DNMT1: variants seen among roughly 807,000 people sequenced by gnomAD.
DNMT1 encodes the protein DNA methyltransferase 1, also known as DNA (cytosine-5)-methyltransferase 1.
DNMT1 carries 24 observed loss-of-function variants against 205.3 expected under a neutral mutation model. The observed-to-expected ratio is 0.12, with a 90% confidence interval of 0.08 to 0.16. The LOEUF is 0.16. Ranked by LOEUF, DNMT1 falls within the 10% of genes least tolerant of loss-of-function variation. DNMT1 has a pLI of 1.00. For missense variants in DNMT1, 1,293 were observed against 2,177.7 expected (o/e 0.59, Z 8.09); for synonymous variants, 817 against 839.8 (o/e 0.97, Z 0.47).
chr19:10,136,644 C>T (rs942629909), intron 37 of DNMT1, among the ~76,000 whole-genome samples: 6 of 152,160 alleles, frequency 3.9e-5, no homozygotes, highest in Non-Finnish European at 8.8e-5. Context: ...CCATGTTGGG[C>T]AGGCTGATCT....
intron 11 of DNMT1, 75 bp downstream of exon 11, chr19:10,166,523 C>A: frequency 6.3e-7 from 1 of 1,575,140 alleles, no homozygotes; most frequent in Non-Finnish European, 8.7e-7. Flanking sequence ...CAGAGCCCCA[C>A]CCTGCGCACT....
intron 6 of DNMT1, among the ~76,000 whole-genome samples, chr19:10,176,545 TTATA>T (rs1487174950): frequency 6.6e-6 from 1 of 152,280 alleles, no homozygotes; most frequent in East Asian, 1.9e-4. Flanking sequence ...CAGAACAGTA[TTATA>T]CTTTGGTTTG....
intron 10 of DNMT1, 116 bp downstream of exon 10, chr19:10,168,214 A>C: frequency 8.3e-7 from 1 of 1,203,828 alleles, no homozygotes; most frequent in Non-Finnish European, 1.2e-6. Context: ...ACTTGCCCAC[A>C]TAAGAGACAT....
In DNMT1 at chr19:10,159,738, C is replaced by T. The variant is rs760315095; in HGVS notation, c.1200G>A (p.Glu400=). The part of the protein sequence containing the change: ...AVDEPQMLTN[E]KLSIFDANES... The stretch of plus-strand genomic sequence containing the variant: ...CGTTGGCATCAAAGATGGACAGCTT[C>T]TCATTTGTCAGCATCTGTGGCTCAT... The change falls in exon 17 of 41, where the codon GAG becomes GAA. Residue 400 remains glutamate (E), a synonymous_variant. Transcript: ENST00000359526. The surrounding 1 kb of genome is among the most constrained non-coding windows in gnomAD (Gnocchi z 5.0). 1 of 1,614,240 alleles carries T rather than the reference C, an allele frequency of 6.2e-7. No individual in the cohort carries two copies. The highest frequency in any genetic ancestry group is 8.5e-7 in the Non-Finnish European group (1 of 1,180,052).
chr19:10,157,206 C>T (rs1248183355), intron 17 of DNMT1, among the ~76,000 whole-genome samples: 2 of 152,158 alleles, frequency 1.3e-5, no homozygotes, highest in Non-Finnish European at 2.9e-5. Context: ...CCCAACCGGC[C>T]CTCAGCCCCC....
intron 39 of DNMT1, among the ~76,000 whole-genome samples, chr19:10,134,600 T>A (rs1441601508): frequency 6.6e-6 from 1 of 152,220 alleles, no homozygotes; most frequent in Non-Finnish European, 1.5e-5. Context: ...ACGCCTGTAA[T>A]CCCAGCACTT....
Position 10,133,503 on chromosome 19 carries a change from A to G in DNMT1, c.*164T>C. ...AAGTACTGCACAATTTGATCACTAA[A>G]TCATTAGTTGATAAGCGAACCTCAC... On this transcript the variant is annotated 3_prime_UTR_variant, in exon 41 of 41. Coordinates refer to ENST00000359526, the MANE Select transcript of DNMT1 (RefSeq NM_001130823.3). This position sits in a 1 kb window ranked among gnomAD's most constrained non-coding sequence, Gnocchi z 4.1. The G allele has an allele frequency of 1.3e-6, 1 of 754,146 alleles. No homozygotes were observed. Among genetic ancestry groups the G allele is most frequent in the South Asian group, 1.7e-5 (1 of 58,924 alleles). 46.7% of individuals were successfully genotyped at this position (754,146 alleles called of 1,614,324 possible). A position where few individuals can be genotyped will look rare whatever the true frequency, so the allele number is the denominator to read the frequency against.
chr19:10,179,062 G>A (rs2038989848), intron 5 of DNMT1, among the ~76,000 whole-genome samples: 1 of 147,022 alleles, frequency 6.8e-6, no homozygotes, highest in Non-Finnish European at 1.5e-5. Flanking sequence ...CTGGGAGGCA[G>A]AGCTTGCAGT....
At chr19:10,169,330 C>G (rs942225676) in intron 9 of DNMT1, among the ~76,000 whole-genome samples, 1 of 140,896 alleles carries the variant, frequency 7.1e-6, no homozygotes, top group Admixed American at 8.0e-5. Context: ...ATCACGAGGT[C>G]AGGAGATCGA....
At chr19:10,182,208 G>C (rs2039060510) in intron 1 of DNMT1, 131 bp from the exon 2 acceptor site, 1 of 912,434 alleles carries the variant, frequency 1.1e-6, no homozygotes, top group South Asian at 1.4e-5. Flanking sequence ...AAAAAACTAA[G>C]CTGGCTTTTG....
chr19:10,170,640 C>T (rs764033803), intron 9 of DNMT1, among the ~76,000 whole-genome samples: 18 of 152,048 alleles, frequency 1.2e-4, no homozygotes, highest in Non-Finnish European at 1.9e-4. Flanking sequence ...AACAAAACTC[C>T]GTCTCAAAAA....
chr19:10,148,803 A>G, intron 27 of DNMT1, 81 bp downstream of exon 27: 1 of 1,610,858 alleles, frequency 6.2e-7, no homozygotes, highest in South Asian at 1.1e-5. Context: ...GGCGGAAGCC[A>G]ACCAGACGGA....
rs545839186 is a variant in DNMT1, at chr19:10,144,477, C to T, written c.2895-490G>A. The stretch of plus-strand genomic sequence containing the variant: ...GTTTGAAGCACGCATTCACCCTCTG[C>T]GCATTACTGGCTACGGTGGTGGCTG... On this transcript the variant is annotated intron_variant, in intron 28 of 40. Transcript: ENST00000359526. The T allele has an allele frequency of 1.3e-3, 284 of 224,038 alleles. 1 individual carries two copies. The highest frequency in any genetic ancestry group is 2.2e-3 in the Non-Finnish European group (249 of 110,986). 13.9% of individuals were successfully genotyped at this position (224,038 alleles called of 1,614,324 possible).
At chr19:10,136,082 G>A (rs1000420427) in intron 38 of DNMT1, 39 bp downstream of exon 38, 2 of 1,613,218 alleles carry the variant, frequency 1.2e-6, no homozygotes, top group African/African-American at 2.7e-5. Flanking sequence ...CCAAGTACAG[G>A]GCCTGACCCA....
intron 12 of DNMT1, 166 bp from the exon 13 acceptor site, chr19:10,162,914 A>C (rs2038605268): frequency 4.3e-6 from 3 of 698,830 alleles, no homozygotes; most frequent in Non-Finnish European, 7.4e-6. Flanking sequence ...AGGCCTTCAG[A>C]GGCCCCAGGG....
At position 10,143,783 on chromosome 19, in the gene DNMT1, C is replaced by T. The variant is rs1257621088; in HGVS notation, c.3099G>A (p.Arg1033=). 1 of 1,613,952 alleles carries T rather than the reference C, an allele frequency of 6.2e-7. No individual in the cohort carries two copies. The highest frequency in any genetic ancestry group is 8.5e-7 in the Non-Finnish European group (1 of 1,180,026). ...GRPNETDIKI[R]VNKFYRPENT... is the part of the protein sequence containing the mutation. ...CTGCTGACCTGTAGAACTTGTTGACCCGGATTTTGATGTCAGTCTCATTGG... is the reference window on the plus strand; with the variant it reads ...CTGCTGACCTGTAGAACTTGTTGACTCGGATTTTGATGTCAGTCTCATTGG... The change falls in exon 29 of 41, where the codon CGG becomes CGA. Residue 1033 remains arginine (R), a synonymous_variant. Coordinates refer to ENST00000359526, the MANE Select transcript of DNMT1 (RefSeq NM_001130823.3).
rs535161745 is a variant in DNMT1 at position 10,164,913 on chromosome 19, TAAAAAAAAAAAAAAAAAAAAAAA to T, written c.892-1576_892-1554del. On this transcript the variant is annotated intron_variant, in intron 11 of 40. Coordinates refer to ENST00000359526, the MANE Select transcript of DNMT1 (RefSeq NM_001130823.3). ...ATTGCATGACAGAGAGAGACTATCT[TAAAAAAAAAAAAAAAAAAAAAAA>T]AAAAAAAAAAAAAAAAAAAAAGAAC... 8.6e-3 allele frequency among the ~76,000 whole-genome samples: 292 copies of T among 34,048 alleles called. 4 individuals are homozygous for T. Among genetic ancestry groups the T allele is most frequent in the African/African-American group, 0.026 (184 of 7,142 alleles). 22.3% of individuals were successfully genotyped at this position (34,048 alleles called of 152,430 possible). A position where few individuals can be genotyped will look rare whatever the true frequency, so the allele number is the denominator to read the frequency against.
chr19:10,189,740 T>C (rs573858929), intron 1 of DNMT1, among the ~76,000 whole-genome samples: 2 of 152,132 alleles, frequency 1.3e-5, no homozygotes, highest in African/African-American at 4.8e-5. Context: ...CTTTTACACA[T>C]ACTAGGAAAC....
chr19:10,158,236 T>C (rs2038496291), intron 17 of DNMT1, among the ~76,000 whole-genome samples: 1 of 152,044 alleles, frequency 6.6e-6, no homozygotes, highest in South Asian at 2.1e-4. Context: ...ACAGCACACC[T>C]CACTCACACC....
Sources: gnomAD v4.1 joint callset for allele counts (sites outside exome capture counted in the v4.1 genomes callset) on GRCh38, gnomAD v4.1.1 for gene constraint, Gnocchi (gnomAD v3.1) non-coding constraint, MANE v1.5 for transcripts, NCBI Gene and HGNC (gene_info 2026-07-23, HGNC 2026-07-21) for gene names.